RPS6KA2: variants seen among roughly 807,000 people sequenced by gnomAD.
RPS6KA2 encodes the protein ribosomal protein S6 kinase A2, also known as ribosomal protein S6 kinase alpha-2.
A neutral mutation model predicts 91.8 loss-of-function variants in RPS6KA2; 42 were observed. The observed-to-expected ratio is 0.46, with a 90% CI of 0.36 to 0.59. The LOEUF (loss-of-function observed/expected upper bound fraction) is 0.59, where lower values mean the gene tolerates loss of function less well. Among genes scored for constraint, RPS6KA2 ranks in the 20% least tolerant of loss-of-function variants. The pLI is 0.00. For missense variants in RPS6KA2, 798 were observed against 978.5 expected, an observed-to-expected ratio of 0.82 and a Z score of 2.46; for synonymous variants, 414 against 393.6, an observed-to-expected ratio of 1.05 and a Z score of -0.61.
intron 2 of RPS6KA2, chr6:166,702,812 T>G: frequency 9.5e-7 from 1 of 1,056,106 alleles, no homozygotes; most frequent in Non-Finnish European, 1.5e-6. Context: ...GCGTTCTCGC[T>G]GAGGTTTCTG....
chr6:166,568,777 A>G (rs574501679), intron 1 of RPS6KA2, among the ~76,000 whole-genome samples: 2 of 152,216 alleles, frequency 1.3e-5, no homozygotes, highest in African/African-American at 2.4e-5. Flanking sequence ...CTGCATAGCT[A>G]GTGACCAGCA....
At chr6:166,537,795 C>T (rs1034237719) in intron 2 of RPS6KA2, among the ~76,000 whole-genome samples, 18 of 152,304 alleles carry the variant, frequency 1.2e-4, no homozygotes, top group African/African-American at 3.4e-4. Context: ...ATGTAAGGAA[C>T]GGTTGGCTTC....
At chr6:166,452,729 C>A (rs912144570) in intron 12 of RPS6KA2, among the ~76,000 whole-genome samples, 3 of 152,060 alleles carry the variant, frequency 2.0e-5, no homozygotes, top group African/African-American at 4.8e-5. Context: ...ATAAATGATA[C>A]CGGGAAAATT....
At chr6:166,680,524 C>T (rs995238180) in intron 2 of RPS6KA2, among the ~76,000 whole-genome samples, 5 of 152,096 alleles carry the variant, frequency 3.3e-5, no homozygotes, top group Admixed American at 6.6e-5. Flanking sequence ...GGGTCTGTGC[C>T]GCTTTTGTGA....
intron 11 of RPS6KA2, among the ~76,000 whole-genome samples, chr6:166,464,903 CCA>C (rs1780463113): frequency 6.6e-6 from 1 of 152,196 alleles, no homozygotes; most frequent in East Asian, 1.9e-4. Context: ...TCCACCGTCC[CCA>C]CACTTACTGT....
chr6:166,695,883 TAGGAGCACTAGATTCTCAC>T (rs1254262442), intron 2 of RPS6KA2, among the ~76,000 whole-genome samples: 3 of 151,356 alleles, frequency 2.0e-5, no homozygotes, highest in African/African-American at 7.3e-5. Flanking sequence ...TAAATTCTCA[TAGGAGCACTAGATTCTCAC>T]AGGAGCACTA....
At chr6:166,736,750 C>G (rs1790680793) in intron 2 of RPS6KA2, among the ~76,000 whole-genome samples, 1 of 152,146 alleles carries the variant, frequency 6.6e-6, no homozygotes, top group African/African-American at 2.4e-5. Context: ...GTCAGTGTAT[C>G]AGGAAGTGAG....
At chr6:166,851,551 A>T (rs1780743852) in intron 2 of RPS6KA2, among the ~76,000 whole-genome samples, 1 of 152,158 alleles carries the variant, frequency 6.6e-6, no homozygotes, top group Admixed American at 6.5e-5. Context: ...TTGCTGGTGC[A>T]CACTCCCTGG....
At chr6:166,450,225 AGGAACCACCACG>A (rs1442214465) in intron 13 of RPS6KA2, among the ~76,000 whole-genome samples, 5 of 143,582 alleles carry the variant, frequency 3.5e-5, no homozygotes, top group African/African-American at 5.2e-5. Context: ...GGACCACCAC[AGGAACCACCACG>A]GGAACCACCA....
At chr6:166,862,221 T>C in exon 1 of RPS6KA2, 1 of 1,613,116 alleles carries the variant, frequency 6.2e-7, no homozygotes. Context: ...GGAAAGGAAA[T>C]AAACAGAGGC....
In RPS6KA2 at chr6:166,625,320, A is replaced by ACC. The variant is rs1474972568; in HGVS notation, c.99+1599_99+1600dup. Among the ~76,000 whole-genome samples, 39 of 22,672 alleles carry ACC rather than the reference A, an allele frequency of 1.7e-3. 1 individual carries two copies. Among genetic ancestry groups the ACC allele is most frequent in the African/African-American group, 2.5e-3 (12 of 4,766 alleles). The allele number at this position is 22,672 out of a possible 152,430, so 14.9% of individuals were successfully genotyped here. A position where few individuals can be genotyped will look rare whatever the true frequency, so the allele number is the denominator to read the frequency against. On this transcript the variant is annotated intron_variant, in intron 1 of 20. Coordinates refer to ENST00000265678, the MANE Select transcript of RPS6KA2 (RefSeq NM_021135.6). ...GGAAGAAACCTCGTTTCCTATTCCCACCACCCCCCCACCCCCCCCCCCGCT... is the reference window on the plus strand; with the variant it reads ...GGAAGAAACCTCGTTTCCTATTCCCACCCCACCCCCCCACCCCCCCCCCCGCT...
At chr6:166,697,990 G>A (rs1314226428) in intron 2 of RPS6KA2, among the ~76,000 whole-genome samples, 2 of 152,162 alleles carry the variant, frequency 1.3e-5, no homozygotes, top group South Asian at 2.1e-4. Context: ...GTGAAGAAGT[G>A]GGGAAAGAGT....
intron 2 of RPS6KA2, among the ~76,000 whole-genome samples, chr6:166,715,247 G>A (rs1789977843): frequency 1.3e-5 from 2 of 152,200 alleles, no homozygotes; most frequent in Non-Finnish European, 2.9e-5. Context: ...TAGTGACTCC[G>A]CTGCAGAAGG....
intron 2 of RPS6KA2, among the ~76,000 whole-genome samples, chr6:166,744,544 G>C (rs1790924111): frequency 6.6e-6 from 1 of 152,240 alleles, no homozygotes; most frequent in South Asian, 2.1e-4. Flanking sequence ...GACTGCCTCA[G>C]AGGAGACTGC....
chr6:166,623,771 A>G (rs73041752), intron 1 of RPS6KA2, among the ~76,000 whole-genome samples: 3,377 of 152,340 alleles, frequency 0.022, 51 homozygotes, highest in Non-Finnish European at 0.035. Context: ...ATGGAAGTCT[A>G]TGGAAGATAC....
intron 2 of RPS6KA2, among the ~76,000 whole-genome samples, chr6:166,710,867 G>A (rs192523051): frequency 1.8e-3 from 272 of 152,236 alleles, no homozygotes; most frequent in African/African-American, 6.4e-3. Context: ...AATTCCAGCA[G>A]GCACAGACAA....
intron 2 of RPS6KA2, among the ~76,000 whole-genome samples, chr6:166,855,450 GGAAGAA>G (rs907659006): frequency 1.7e-5 from 1 of 60,338 alleles, no homozygotes; most frequent in East Asian, 6.6e-4. Context: ...AAGAAGAAGA[GGAAGAA>G]GAAGAGGAAG....
At chr6:166,764,880 A>C (rs1369432164) in intron 2 of RPS6KA2, among the ~76,000 whole-genome samples, 1 of 151,274 alleles carries the variant, frequency 6.6e-6, no homozygotes, top group African/African-American at 2.5e-5. Flanking sequence ...GTTCACACAC[A>C]TGTGTATCAA....
chr6:166,782,164 C>T (rs1429169618), intron 2 of RPS6KA2, among the ~76,000 whole-genome samples: 5 of 152,014 alleles, frequency 3.3e-5, no homozygotes, highest in African/African-American at 4.8e-5. Flanking sequence ...TAGTGGTGAG[C>T]GCCTGTAACC....
Sources: gnomAD v4.1 joint callset for allele counts (sites outside exome capture counted in the v4.1 genomes callset) on GRCh38, gnomAD v4.1.1 for gene constraint, MANE v1.5 for transcripts, NCBI Gene and HGNC (gene_info 2026-07-23, HGNC 2026-07-21) for gene names.